Variants in EDA observed in about 807,000 individuals in gnomAD.
EDA encodes ectodysplasin A.
In EDA, 2 loss-of-function variants were observed where a neutral mutation model predicts 23.6. That is an observed-to-expected ratio of 0.08 (90% CI 0.03 to 0.27). The LOEUF (loss-of-function observed/expected upper bound fraction) is 0.27, where lower values mean the gene tolerates loss of function less well. Among genes scored for constraint, EDA ranks in the 10% least tolerant of loss-of-function variants. The pLI is 1.00. For synonymous variants in EDA, 131 were observed against 132.0 expected (o/e 0.99, Z 0.05); for missense variants, 229 against 324.2 (o/e 0.71, Z 2.26).
At chrX:69,775,004 G>A (rs921236786) in intron 1 of EDA, among the ~76,000 whole-genome samples, 1 of 111,588 alleles carries the variant, frequency 9.0e-6, no homozygotes, top group African/African-American at 3.2e-5. Context: ...GTTCTCCCAA[G>A]TAAAATATTA....
chrX:69,935,223 G>C (rs769693400), intron 1 of EDA, among the ~76,000 whole-genome samples: 1 of 111,661 alleles, frequency 9.0e-6, no homozygotes, highest in African/African-American at 3.3e-5. Context: ...CCAAATCTTG[G>C]CTATTGTGAA....
intron 1 of EDA, among the ~76,000 whole-genome samples, chrX:69,705,404 C>T (rs1237464785): frequency 1.8e-5 from 2 of 111,179 alleles, no homozygotes; most frequent in Non-Finnish European, 3.8e-5. Context: ...ACCAGACAAA[C>T]CTTGTCACAA....
intron 2 of EDA, among the ~76,000 whole-genome samples, chrX:69,988,138 A>C (rs2019531685): frequency 8.9e-6 from 1 of 112,111 alleles, no homozygotes; most frequent in Non-Finnish European, 1.9e-5. Flanking sequence ...TAAGTGAATT[A>C]AGCCAGGCAC....
At chrX:69,639,513 CTAA>C (rs1932816549) in intron 1 of EDA, among the ~76,000 whole-genome samples, 1 of 112,020 alleles carries the variant, frequency 8.9e-6, no homozygotes, top group Admixed American at 9.5e-5. Flanking sequence ...GCCCTAAAAA[CTAA>C]TGATATTGAG....
intron 1 of EDA, among the ~76,000 whole-genome samples, chrX:69,840,405 A>G (rs1221124661): frequency 1.8e-5 from 2 of 111,462 alleles, no homozygotes; most frequent in African/African-American, 6.5e-5. Flanking sequence ...TATTTTGTTT[A>G]CTTTTGTGTC....
At chrX:70,016,057 C>CA (rs774311629) in intron 2 of EDA, among the ~76,000 whole-genome samples, 1,946 of 101,661 alleles carry the variant, frequency 0.019, 20 homozygotes, top group Non-Finnish European at 0.032. Flanking sequence ...AAAAAAAAAA[C>CA]AAAAAAAAAC....
chrX:69,992,673 A>G (rs1569396049), intron 2 of EDA, among the ~76,000 whole-genome samples: 1 of 111,809 alleles, frequency 8.9e-6, no homozygotes, highest in Non-Finnish European at 1.9e-5. Flanking sequence ...GAGTGAAATT[A>G]CTAGGTCCCA....
At position 69,863,615 on chromosome X, in the gene EDA, ATATG is replaced by A. The variant is rs1474835371; in HGVS notation, c.397-93410_397-93407del. ...CATATATGTATATATATGTGTGTAT[ATATG>A]TGTGTATTTATGTGTGTGTGTATAT... On this transcript the variant is annotated intron_variant, in intron 1 of 7. Coordinates refer to ENST00000374552, the MANE Select transcript of EDA (RefSeq NM_001399.5). 4.1e-4 allele frequency among the ~76,000 whole-genome samples: 33 copies of A among 79,966 alleles called. 1 individual carries two copies. The Admixed American group carries it at 4.6e-3, about 11-fold the overall frequency. The allele number at this position is 79,966 out of a possible 115,157, so 69.4% of individuals were successfully genotyped here.
intron 1 of EDA, among the ~76,000 whole-genome samples, chrX:69,869,009 C>T (rs1247906790): frequency 8.9e-6 from 1 of 111,809 alleles, no homozygotes; most frequent in Non-Finnish European, 1.9e-5. Context: ...TCTTTCAAGA[C>T]CTTGATGGTG....
At chrX:69,992,293 G>T (rs960879778) in intron 2 of EDA, among the ~76,000 whole-genome samples, 4 of 111,647 alleles carry the variant, frequency 3.6e-5, no homozygotes, top group East Asian at 5.6e-4. Context: ...CCATTGAATT[G>T]TTTCCAGGGT....
chrX:69,958,507 A>G (rs1569385587), intron 2 of EDA, among the ~76,000 whole-genome samples: 1 of 56,057 alleles, frequency 1.8e-5, no homozygotes, highest in Non-Finnish European at 3.7e-5. Flanking sequence ...CAAGGACCCC[A>G]TAATAATACC....
rs560986833 is a variant in EDA, at chrX:69,898,192, C to T, written c.397-58835C>T. On this transcript the variant is annotated intron_variant, in intron 1 of 7. Coordinates refer to ENST00000374552, the MANE Select transcript of EDA (RefSeq NM_001399.5). ...ATTCCTCCCCCTACCCAAGTAATTTCGACTGGAAGTTCCATATGTATTTTT... is the reference window on the plus strand; with the variant it reads ...ATTCCTCCCCCTACCCAAGTAATTTTGACTGGAAGTTCCATATGTATTTTT... Among the ~76,000 whole-genome samples the T allele has an allele frequency of 3.7e-4, 41 of 111,957 alleles. No homozygotes were observed. The South Asian group carries it at 0.015, about 42-fold the overall frequency.
intron 2 of EDA, among the ~76,000 whole-genome samples, chrX:69,987,479 T>C (rs1490487239): frequency 5.5e-5 from 6 of 108,894 alleles, no homozygotes; most frequent in African/African-American, 2.0e-4. Flanking sequence ...TCTTGGAACT[T>C]GAAGAACAAG....
At chrX:69,663,929 C>T (rs980053342) in intron 1 of EDA, among the ~76,000 whole-genome samples, 1 of 112,194 alleles carries the variant, frequency 8.9e-6, no homozygotes, top group African/African-American at 3.2e-5. Flanking sequence ...GAAGCCCCTT[C>T]GTTTTGGCCA....
chrX:69,637,179 A>G (rs528857195), intron 1 of EDA, among the ~76,000 whole-genome samples: 1 of 111,943 alleles, frequency 8.9e-6, no homozygotes, highest in South Asian at 3.7e-4. Flanking sequence ...TATGCCAAGT[A>G]GTCCACAGGT....
At chrX:69,698,943 T>C (rs930062680) in intron 1 of EDA, among the ~76,000 whole-genome samples, 2 of 111,398 alleles carry the variant, frequency 1.8e-5, no homozygotes, top group African/African-American at 6.5e-5. Context: ...TGGGAATGCT[T>C]CTACCCACCC....
chrX:69,888,978 T>TTATATATATATACA (rs2017876359), intron 1 of EDA, among the ~76,000 whole-genome samples: 1 of 16,030 alleles, frequency 6.2e-5, no homozygotes, highest in African/African-American at 2.3e-4. Flanking sequence ...TGTGGGGTAG[T>TTATATATATATACA]TATATATATA....
At chrX:69,928,883 A>G (rs773316747) in intron 1 of EDA, among the ~76,000 whole-genome samples, 2 of 111,844 alleles carry the variant, frequency 1.8e-5, no homozygotes, top group African/African-American at 6.5e-5. Flanking sequence ...GTAGCCTACT[A>G]TCCTTTATAA....
chrX:69,754,864 A>G (rs1237076697), intron 1 of EDA, among the ~76,000 whole-genome samples: 1 of 112,173 alleles, frequency 8.9e-6, no homozygotes, highest in Non-Finnish European at 1.9e-5. Context: ...AAGCTTGTGC[A>G]TGCATCATGT....
Sources: allele counts gnomAD v4.1 joint callset (sites outside exome capture counted in the v4.1 genomes callset), GRCh38; gene constraint gnomAD v4.1.1; transcripts MANE v1.5; gene names NCBI Gene and HGNC (gene_info 2026-07-23, HGNC 2026-07-21).